BRINP1: variants seen among roughly 807,000 people sequenced by gnomAD.
BRINP1 encodes BMP/retinoic acid inducible neural specific 1, also known as BMP/retinoic acid-inducible neural-specific protein 1.
Under a neutral mutation model 72.9 loss-of-function variants are expected in BRINP1, and 17 were observed. The observed-to-expected ratio is 0.23, with a 90% CI of 0.16 to 0.35. The LOEUF is 0.35. Ranked by LOEUF, BRINP1 falls within the 10% of genes least tolerant of loss-of-function variation. The pLI, the probability that BRINP1 is intolerant of heterozygous loss-of-function variation, is 1.00. For missense variants in BRINP1, 850 were observed against 1,001.6 expected, an observed-to-expected ratio of 0.85 and a Z score of 2.04; for synonymous variants, 418 against 378.5, an observed-to-expected ratio of 1.10 and a Z score of -1.21.
chr9:119,291,578 G>T (rs1232919253), intron 2 of BRINP1, among the ~76,000 whole-genome samples: 2 of 152,150 alleles, frequency 1.3e-5, no homozygotes, highest in African/African-American at 4.8e-5. Flanking sequence ...CCCAGTACAG[G>T]TTCTGTACAT....
At chr9:119,216,553 T>C (rs1459717661) in intron 5 of BRINP1, among the ~76,000 whole-genome samples, 1 of 152,234 alleles carries the variant, frequency 6.6e-6, no homozygotes, top group Non-Finnish European at 1.5e-5. Context: ...ACAATTCTTT[T>C]AGTCATTTTA....
chr9:119,247,093 G>A (rs1830327758), intron 3 of BRINP1, among the ~76,000 whole-genome samples: 1 of 152,192 alleles, frequency 6.6e-6, no homozygotes, highest in African/African-American at 2.4e-5. Context: ...AGCTTTTAAT[G>A]GAAGAATTGA....
chr9:119,313,106 G>A (rs373035304), intron 2 of BRINP1, 32 bp downstream of exon 2: 8 of 1,602,864 alleles, frequency 5.0e-6, no homozygotes, highest in Non-Finnish European at 6.8e-6. Flanking sequence ...TAATATGAAT[G>A]TAAGGCAAGG....
At chr9:119,353,538 C>T (rs1831525888) in intron 1 of BRINP1, among the ~76,000 whole-genome samples, 1 of 152,066 alleles carries the variant, frequency 6.6e-6, no homozygotes, top group Admixed American at 6.6e-5. Flanking sequence ...TCCTTTATTC[C>T]ACGTCTGCTT....
intron 1 of BRINP1, among the ~76,000 whole-genome samples, chr9:119,315,931 G>T (rs938629641): frequency 1.3e-5 from 2 of 152,188 alleles, no homozygotes; most frequent in African/African-American, 4.8e-5. Context: ...AAAGTCTGAA[G>T]CCAGCAGAGG....
At chr9:119,172,168 C>CCAT (rs1829420333) in intron 7 of BRINP1, among the ~76,000 whole-genome samples, 1 of 151,894 alleles carries the variant, frequency 6.6e-6, no homozygotes, top group Non-Finnish European at 1.5e-5. Flanking sequence ...CACAAAAAAC[C>CCAT]CATCAAAAAG....
chr9:119,276,043 G>A (rs993777142), intron 2 of BRINP1, among the ~76,000 whole-genome samples: 1 of 151,296 alleles, frequency 6.6e-6, no homozygotes, highest in Admixed American at 6.6e-5. Flanking sequence ...TTCCTTATCT[G>A]TTATCTTTTC....
At chr9:119,214,226 G>T in intron 5 of BRINP1, 71 bp from the exon 6 acceptor site, 3 of 1,124,608 alleles carry the variant, frequency 2.7e-6, no homozygotes, top group Non-Finnish European at 4.0e-6. Flanking sequence ...ATTTCCAAAG[G>T]TGATACATAG....
Position 119,233,118 on chromosome 9 carries a change from G to A in BRINP1, c.685+5537C>T, listed in dbSNP as rs959385755. On this transcript the variant is annotated intron_variant, in intron 5 of 7. Coordinates refer to ENST00000265922, the MANE Select transcript of BRINP1 (RefSeq NM_014618.3). ...AAGTCATTAGAGTGCCATTGATATT[G>A]TTCTCAATCCACCAAAGTAGCCTTC... Among the ~76,000 whole-genome samples, 3 of 150,782 alleles carry A rather than the reference G, an allele frequency of 2.0e-5. No individual in the cohort carries two copies. The Admixed American group carries it at 2.0e-4, about 10-fold the overall frequency.
At chr9:119,200,626 GAAAAAAAAAGAAAAA>G (rs1403496087) in intron 7 of BRINP1, among the ~76,000 whole-genome samples, 7 of 32,680 alleles carry the variant, frequency 2.1e-4, no homozygotes, top group Non-Finnish European at 2.4e-4. Context: ...TCTGCCTCAA[GAAAAAAAAAGAAAAA>G]AAAAAAAAAG....
chr9:119,330,251 T>G (rs146588635), intron 1 of BRINP1, among the ~76,000 whole-genome samples: 256 of 152,314 alleles, frequency 1.7e-3, no homozygotes, highest in African/African-American at 5.6e-3. Flanking sequence ...CCTCATCACC[T>G]GAAGGATACA....
intron 7 of BRINP1, among the ~76,000 whole-genome samples, chr9:119,197,559 G>GA (rs1182441135): frequency 2.0e-5 from 3 of 152,112 alleles, no homozygotes; most frequent in African/African-American, 7.2e-5. Flanking sequence ...AAGTTACTAG[G>GA]AATCACAGCT....
intron 2 of BRINP1, among the ~76,000 whole-genome samples, chr9:119,266,092 C>G (rs529354021): frequency 9.9e-5 from 15 of 152,254 alleles, no homozygotes; most frequent in African/African-American, 3.6e-4. Flanking sequence ...AAATGTCAGA[C>G]ATGGTAAGTC....
At chr9:119,216,446 C>T (rs1472307433) in intron 5 of BRINP1, among the ~76,000 whole-genome samples, 2 of 152,190 alleles carry the variant, frequency 1.3e-5, no homozygotes, top group Admixed American at 6.5e-5. Context: ...AAGGGCATAA[C>T]ACACATACCA....
At chr9:119,364,534 C>A (rs1831670953) in intron 1 of BRINP1, among the ~76,000 whole-genome samples, 1 of 152,184 alleles carries the variant, frequency 6.6e-6, no homozygotes, top group South Asian at 2.1e-4. Flanking sequence ...TAACTCCCAG[C>A]TATTCCTAGC....
intron 1 of BRINP1, among the ~76,000 whole-genome samples, chr9:119,363,076 G>A (rs942516): frequency 0.14 from 21,037 of 152,174 alleles, 1,561 homozygotes; most frequent in Middle Eastern, 0.18. Context: ...GCTTGTCCCA[G>A]TGAAATGACT....
At chr9:119,337,173 T>C (rs193259816) in intron 1 of BRINP1, among the ~76,000 whole-genome samples, 7 of 152,318 alleles carry the variant, frequency 4.6e-5, no homozygotes, top group Non-Finnish European at 1.0e-4. Context: ...CCCCTAACAT[T>C]GATTCCATCT....
chr9:119,208,765 T>C lies in BRINP1; in HGVS notation c.1099A>G (p.Ser367Gly). 6.2e-7 allele frequency: 1 copy of C among 1,613,878 alleles called. No homozygotes were observed. The highest frequency in any genetic ancestry group is 1.3e-5 in the African/African-American group (1 of 75,060). ...QRTARKLFGL[S>G]VRCRHNPNHQ... ...TTGGGATTGTGGCGACAGCGTACAC[T>C]GAGGCCGAAAAGCTTGCGGGCAGTG... The change falls in exon 7 of 8, where the codon AGT (serine) becomes GGT (glycine). Residue 367 changes from serine to glycine, a missense_variant. By Grantham distance (56) the Ser-to-Gly change is moderately conservative. Transcript: ENST00000265922.
In BRINP1 at chr9:119,167,097, G is replaced by T. The variant is rs903356750; in HGVS notation, c.2273C>A (p.Ala758Asp). 4 of 1,601,852 alleles carry T rather than the reference G, an allele frequency of 2.5e-6. No homozygotes were observed. In the Admixed American group the frequency reaches 6.7e-5, roughly 27 times the overall value. Residue 758 changes from alanine to aspartate, a missense_variant, in exon 8 of 8, where the codon GCC becomes GAC. Coordinates refer to ENST00000265922, the MANE Select transcript of BRINP1 (RefSeq NM_014618.3). This position sits in a 1 kb window ranked among gnomAD's most constrained non-coding sequence, Gnocchi z 4.3. ...AGGAGTCCCGGGTTAGCAGAGTTTG[G>T]CTGTCATCTGGTCCGACTGTTTGAG... The part of the protein sequence containing the change: ...EILKQSDQMT[A>D]KLC
Sources: allele counts gnomAD v4.1 joint callset (sites outside exome capture counted in the v4.1 genomes callset), GRCh38; gene constraint gnomAD v4.1.1; non-coding constraint Gnocchi (gnomAD v3.1); transcripts MANE v1.5; gene names NCBI Gene and HGNC (gene_info 2026-07-23, HGNC 2026-07-21).